The following ILKAP variants were observed in gnomAD, a reference collection of about 807,000 sequenced individuals.
ILKAP encodes integrin-linked kinase-associated serine/threonine phosphatase 2C.
A neutral mutation model predicts 49.1 loss-of-function variants in ILKAP; 11 were observed. The observed-to-expected ratio is 0.22, with a 90% CI of 0.14 to 0.37. The LOEUF is 0.37. Ranked by LOEUF, ILKAP falls within the 10% of genes least tolerant of loss-of-function variation. The pLI is 1.00. For missense variants in ILKAP, 363 were observed against 510.8 expected (o/e 0.71, Z 2.79); for synonymous variants, 186 against 192.8 (o/e 0.96, Z 0.29).
chr2:238,199,334 G>A (rs1195530308), intron 1 of ILKAP, among the ~76,000 whole-genome samples: 1 of 152,206 alleles, frequency 6.6e-6, no homozygotes, highest in Non-Finnish European at 1.5e-5. Flanking sequence ...AAATCTGATA[G>A]AAGCCAAAAT....
Position 238,174,482 on chromosome 2 carries a change from G to A in ILKAP, c.837-829C>T, listed in dbSNP as rs757340386. 5.9e-5 allele frequency among the ~76,000 whole-genome samples: 9 copies of A among 152,314 alleles called. No individual in the cohort carries two copies. The East Asian group carries it at 1.3e-3, about 23-fold the overall frequency. On this transcript the variant is annotated intron_variant, in intron 9 of 11. Transcript: ENST00000254654. ...TGAGAGAGCACTCCGCAAATGCCAC[G>A]GCTGCGCATGGGCGTTTAAGATCAC...
At chr2:238,181,030 G>T (rs1693671555) in intron 9 of ILKAP, among the ~76,000 whole-genome samples, 1 of 152,198 alleles carries the variant, frequency 6.6e-6, no homozygotes, top group Non-Finnish European at 1.5e-5. Context: ...TCCCATCACT[G>T]CTCATGTAAA....
At chr2:238,181,736 C>A (rs1192319705) in intron 9 of ILKAP, among the ~76,000 whole-genome samples, 1 of 151,928 alleles carries the variant, frequency 6.6e-6, no homozygotes, top group East Asian at 1.9e-4. Context: ...CATTCTCCTG[C>A]CTCAGCCTCC....
At chr2:238,173,717 A>G in intron 9 of ILKAP, 64 bp from the exon 10 acceptor site, 8 of 1,540,834 alleles carry the variant, frequency 5.2e-6, no homozygotes, top group Non-Finnish European at 7.1e-6. Flanking sequence ...AGTACTTAGA[A>G]TCTCACCTTA....
Position 238,194,890 on chromosome 2 carries a change from T to C in ILKAP, c.56-20A>G, listed in dbSNP as rs927234326. 1.9e-6 allele frequency: 3 copies of C among 1,584,812 alleles called. No individual in the cohort carries two copies. Among genetic ancestry groups the C allele is most frequent in the African/African-American group, 1.3e-5 (1 of 74,458 alleles). ...CTTTCCCTAAAACACAGAAAACCTGTTTAGAGAGCATATGGTCATCACCCA... is the reference window on the plus strand; with the variant it reads ...CTTTCCCTAAAACACAGAAAACCTGCTTAGAGAGCATATGGTCATCACCCA... On this transcript the variant is annotated intron_variant, in intron 1 of 11. Coordinates refer to ENST00000254654, the MANE Select transcript of ILKAP (RefSeq NM_030768.3).
rs762510163 is a variant in ILKAP, at chr2:238,194,848, G to C, written c.78C>G (p.Pro26=). The change falls in exon 2 of 12, where the codon CCC becomes CCG. Residue 26 remains proline (P), a synonymous_variant. Transcript: ENST00000254654. ...PAAGKEAQKG[P]LLFDDLPPAS... ...CCGGAGGGAGGTCATCAAAGAGCAG[G>C]GGTCCTTTCTGAGCTTCTTTCCCTA... 6.2e-7 allele frequency: 1 copy of C among 1,614,064 alleles called. No homozygotes were observed. The highest frequency in any genetic ancestry group is 1.7e-5 in the Admixed American group (1 of 60,014).
intron 3 of ILKAP, among the ~76,000 whole-genome samples, chr2:238,191,813 G>A (rs1363841869): frequency 6.6e-6 from 1 of 151,858 alleles, no homozygotes; most frequent in Non-Finnish European, 1.5e-5. Context: ...GCTGAGGCAC[G>A]AGACTCACTG....
intron 1 of ILKAP, among the ~76,000 whole-genome samples, chr2:238,203,198 C>T: frequency 6.6e-6 from 1 of 151,040 alleles, no homozygotes; most frequent in Non-Finnish European, 1.5e-5. Flanking sequence ...GGTCGGCCCA[C>T]GCGGTCGCGC....
intron 5 of ILKAP, 188 bp from the exon 6 acceptor site, chr2:238,185,475 C>T: frequency 3.9e-6 from 2 of 517,114 alleles, no homozygotes; most frequent in South Asian, 5.5e-5. Flanking sequence ...ATTTAAGTAA[C>T]TTTCACAGCA....
intron 10 of ILKAP, among the ~76,000 whole-genome samples, chr2:238,171,743 C>T (rs1003690082): frequency 6.6e-6 from 1 of 152,174 alleles, no homozygotes; most frequent in Non-Finnish European, 1.5e-5. Context: ...AGCCCAGCCT[C>T]GGTGAAACAT....
At chr2:238,188,543 G>C (rs531813738) in intron 4 of ILKAP, 1 of 261,742 alleles carries the variant, frequency 3.8e-6, no homozygotes, top group South Asian at 9.1e-5. Context: ...AAGCATCAGG[G>C]CAAGGGATGT....
intron 1 of ILKAP, among the ~76,000 whole-genome samples, chr2:238,202,055 T>A (rs1192018512): frequency 6.6e-6 from 1 of 151,934 alleles, no homozygotes; most frequent in Admixed American, 6.6e-5. Context: ...TGAAACCCCG[T>A]CTCTACTAAA....
At chr2:238,191,205 G>C (rs1390264155) in intron 3 of ILKAP, among the ~76,000 whole-genome samples, 1 of 151,360 alleles carries the variant, frequency 6.6e-6, no homozygotes, top group East Asian at 1.9e-4. Flanking sequence ...CTCGAGTGCA[G>C]TGACGCAACG....
chr2:238,192,840 C>CTG (rs1213940435), intron 3 of ILKAP, among the ~76,000 whole-genome samples: 4 of 152,036 alleles, frequency 2.6e-5, no homozygotes, highest in Non-Finnish European at 5.9e-5. Context: ...TGGGAAAACC[C>CTG]TGTCTCTACT....
At chr2:238,185,331 A>G in intron 5 of ILKAP, 44 bp from the exon 6 acceptor site, 1 of 1,254,094 alleles carries the variant, frequency 8.0e-7, no homozygotes, top group Non-Finnish European at 1.2e-6. Flanking sequence ...CACAGCAAAA[A>G]CCACACTTTT....
chr2:238,171,067 C>CAAAAAAT (rs548494485), intron 10 of ILKAP, 43 bp from the exon 11 acceptor site: 404 of 1,348,670 alleles, frequency 3.0e-4, no homozygotes, highest in African/African-American at 2.6e-3. Flanking sequence ...TAGGCCCAAC[C>CAAAAAAT]AAAAAATAAA....
chr2:238,193,342 T>G (rs1274642884), intron 3 of ILKAP, among the ~76,000 whole-genome samples: 1 of 152,192 alleles, frequency 6.6e-6, no homozygotes, highest in African/African-American at 2.4e-5. Flanking sequence ...TGCCTCTGCC[T>G]CCTGAGTAGC....
intron 3 of ILKAP, among the ~76,000 whole-genome samples, chr2:238,193,658 G>A (rs1694234538): frequency 1.3e-5 from 2 of 152,178 alleles, no homozygotes; most frequent in South Asian, 4.1e-4. Context: ...TATATAAGAT[G>A]ACTGGAGTAC....
intron 3 of ILKAP, among the ~76,000 whole-genome samples, chr2:238,192,745 T>C (rs1694189068): frequency 6.7e-6 from 1 of 148,694 alleles, no homozygotes; most frequent in Non-Finnish European, 1.5e-5. Context: ...CTGGGTGCAG[T>C]GGCTCACGCC....
Sources: allele counts gnomAD v4.1 joint callset (sites outside exome capture counted in the v4.1 genomes callset), GRCh38; gene constraint gnomAD v4.1.1; transcripts MANE v1.5; gene names NCBI Gene and HGNC (gene_info 2026-07-23, HGNC 2026-07-21).